The following PABPN1 variants were observed in gnomAD, a reference collection of about 807,000 sequenced individuals.
The protein encoded by PABPN1 is polyadenylate-binding protein 2.
PABPN1 carries 5 observed loss-of-function variants against 33.4 expected under a neutral mutation model. The observed-to-expected ratio is 0.15, with a 90% CI of 0.08 to 0.32. The LOEUF (loss-of-function observed/expected upper bound fraction) is 0.32, where lower values mean the gene tolerates loss of function less well. PABPN1 is among the 10% of genes least tolerant of loss of function. The probability of loss-of-function intolerance (pLI) is 1.00; values close to 1 mark genes in which losing one functional copy is unlikely to be tolerated. For missense variants in PABPN1, 312 were observed against 425.8 expected (o/e 0.73, Z 2.35); for synonymous variants, 176 against 170.6 (o/e 1.03, Z -0.25).
rs1392986014 is a variant in PABPN1, at chr14:23,322,186, G to A, written c.357G>A (p.Leu119=). The change falls in exon 2 of 7, where the codon CTG becomes CTA. Residue 119 remains leucine, a synonymous_variant. Transcript: ENST00000216727. Reference sequence around the variant, plus strand: ...ACCCTCCCCACTTATATTAGGAGCTGGAAGCTATCAAAGCTCGAGTCAGGG... The same window carrying A: ...ACCCTCCCCACTTATATTAGGAGCTAGAAGCTATCAAAGCTCGAGTCAGGG... ...PGDGAIEDPE[L]EAIKARVREM... The A allele has an allele frequency of 6.2e-7, 1 of 1,606,158 alleles. No individual in the cohort carries two copies. Among genetic ancestry groups the A allele is most frequent in the African/African-American group, 1.3e-5 (1 of 74,792 alleles).
At chr14:23,324,321 C>G (rs111796577) in intron 6 of PABPN1, 32 bp downstream of exon 6, 1 of 1,606,946 alleles carries the variant, frequency 6.2e-7, no homozygotes, top group African/African-American at 1.3e-5. Flanking sequence ...CTCTTTCCCC[C>G]GCCTCCCGTG....
At chr14:23,324,618 T>A in intron 6 of PABPN1, 1 of 507,846 alleles carries the variant, frequency 2.0e-6, no homozygotes, top group Non-Finnish European at 3.6e-6. Flanking sequence ...CTCCAGGCAG[T>A]GAAAGCACTG....
At position 23,323,263 on chromosome 14, in the gene PABPN1, A is replaced by G. The variant is rs1040966039; in HGVS notation, c.535-114A>G. The G allele has an allele frequency of 6.1e-6, 8 of 1,314,474 alleles. No homozygotes were observed. The African/African-American group carries it at 8.7e-5, about 14-fold the overall frequency. The allele number at this position is 1,314,474 out of a possible 1,614,324, so 81.4% of individuals were successfully genotyped here. On this transcript the variant is annotated intron_variant, in intron 3 of 6. Coordinates refer to ENST00000216727, the MANE Select transcript of PABPN1 (RefSeq NM_004643.4). ...GGAAGGAAAAGAGATTAATTCCTCAAATTACCAGATTTCATGTGCTTTGGT... is the reference window on the plus strand; with the variant it reads ...GGAAGGAAAAGAGATTAATTCCTCAGATTACCAGATTTCATGTGCTTTGGT...
chr14:23,323,449 A>G lies in PABPN1; in HGVS notation c.607A>G (p.Ile203Val), dbSNP rs1888482208. ...CTGTGGTTCAGTCAACCGTGTTACC[A>G]TACTGTGTGACAAATTTAGTGGCCA... The part of the protein sequence containing the change: ...HGCGSVNRVT[I>V]LCDKFSGHPK... Residue 203 changes from isoleucine (I) to valine (V), a missense_variant, in exon 4 of 7, where the codon ATA becomes GTA. Ile to Val is a conservative substitution (Grantham distance 29, BLOSUM62 3). Around this residue, in one of 3 missense-constraint regions of PABPN1, gnomAD observed 77 missense variants for 185.7 expected, o/e 0.41. Transcript: ENST00000216727. 2 of 1,614,182 alleles carry G rather than the reference A, an allele frequency of 1.2e-6. No individual in the cohort carries two copies. The highest frequency in any genetic ancestry group is 1.7e-6 in the Non-Finnish European group (2 of 1,180,002).
At chr14:23,325,012 C>G (rs1020656774) in intron 6 of PABPN1, 1 of 487,144 alleles carries the variant, frequency 2.1e-6, no homozygotes, top group East Asian at 3.1e-5. Context: ...GTCTCTCACT[C>G]AGATGCGCTT....
At chr14:23,322,912 G>T in intron 2 of PABPN1, 87 bp from the exon 3 acceptor site, 1 of 1,581,180 alleles carries the variant, frequency 6.3e-7, no homozygotes, top group Non-Finnish European at 8.7e-7. Context: ...TGAGCTTATG[G>T]GATAGTGCTG....
intron 6 of PABPN1, chr14:23,324,973 A>C: frequency 2.3e-6 from 1 of 436,250 alleles, no homozygotes; most frequent in South Asian, 3.9e-5. Context: ...TGAAAACTGG[A>C]TAAAAAGGGG....
chr14:23,322,982 T>A lies in PABPN1; in HGVS notation c.467-17T>A. The A allele has an allele frequency of 6.2e-7, 1 of 1,614,136 alleles. No homozygotes were observed. The highest frequency in any genetic ancestry group is 8.5e-7 in the Non-Finnish European group (1 of 1,180,006). On this transcript the variant is annotated splice_polypyrimidine_tract_variant and intron_variant, in intron 2 of 6. Coordinates refer to ENST00000216727, the MANE Select transcript of PABPN1 (RefSeq NM_004643.4). ...ACAAGTGTGTGGTTTTTGTAAAAAA[T>A]TATTTTTTCCTGATAGCTGGCCCGG... is the stretch of plus-strand genomic sequence containing the variant.
Position 23,325,692 on chromosome 14 carries a change from C to T in PABPN1, c.*406C>T. The T allele has an allele frequency of 5.7e-6, 1 of 176,956 alleles. No homozygotes were observed. The highest frequency in any genetic ancestry group is 1.2e-5 in the Non-Finnish European group (1 of 82,670). The allele number at this position is 176,956 out of a possible 1,614,324, so 11.0% of individuals were successfully genotyped here. ...CCAAACTGTTCTGCTTGTTACCTTC[C>T]CTCCGTCTTCTCCTCGCCTTTCACA... On this transcript the variant is annotated 3_prime_UTR_variant, in exon 7 of 7. Transcript: ENST00000216727.
intron 1 of PABPN1, 52 bp downstream of exon 1, chr14:23,321,872 T>A: frequency 9.0e-7 from 1 of 1,105,952 alleles, no homozygotes; most frequent in Non-Finnish European, 1.2e-6. Flanking sequence ...GCCGGGTCAC[T>A]GGAGGCCCAG....
chr14:23,325,051 G>A (rs949673211), intron 6 of PABPN1, 196 bp from the exon 7 acceptor site: 1 of 643,112 alleles, frequency 1.6e-6, no homozygotes, highest in Non-Finnish European at 2.5e-6. Context: ...GCAGTTTTCT[G>A]TTAAGCCCCC....
rs781142684 is a variant in PABPN1 at position 23,321,586 on chromosome 14, C to G, written c.117C>G (p.Ala39=). ...CCGGTGGGGAGGCCGGGGAGGGGGCCCCGGGGGGCGCAGGGGACTACGGGA... is the reference window on the plus strand; with the variant it reads ...CCGGTGGGGAGGCCGGGGAGGGGGCGCCGGGGGGCGCAGGGGACTACGGGA... ...PGAGGEAGEG[A]PGGAGDYGNG... Residue 39 remains alanine (A), a synonymous_variant, in exon 1 of 7, where the codon GCC becomes GCG. Coordinates refer to ENST00000216727, the MANE Select transcript of PABPN1 (RefSeq NM_004643.4). 1.4e-6 allele frequency: 2 copies of G among 1,451,608 alleles called. No individual in the cohort carries two copies. Among genetic ancestry groups the G allele is most frequent in the African/African-American group, 3.0e-5 (2 of 67,762 alleles). 89.9% of individuals were successfully genotyped at this position (1,451,608 alleles called of 1,614,324 possible).
At position 23,322,167 on chromosome 14, in the gene PABPN1, C is replaced by T. The variant is rs1258178000; in HGVS notation, c.352-14C>T. On this transcript the variant is annotated splice_polypyrimidine_tract_variant and intron_variant, in intron 1 of 6. Transcript: ENST00000216727. ...CTCTTAAGCTGTCCTCCATACCCTCCCCACTTATATTAGGAGCTGGAAGCT... is the reference window on the plus strand; with the variant it reads ...CTCTTAAGCTGTCCTCCATACCCTCTCCACTTATATTAGGAGCTGGAAGCT... The T allele has an allele frequency of 1.9e-6, 3 of 1,596,122 alleles. No homozygotes were observed. Among genetic ancestry groups the T allele is most frequent in the Non-Finnish European group, 2.6e-6 (3 of 1,171,160 alleles).
Position 23,322,315 on chromosome 14 carries a change from A to C in PABPN1, c.466+20A>C, listed in dbSNP as rs1555326893. 7.0e-6 allele frequency: 11 copies of C among 1,580,256 alleles called. No homozygotes were observed. The South Asian group carries it at 1.2e-4, about 17-fold the overall frequency. On this transcript the variant is annotated intron_variant, in intron 2 of 6. Coordinates refer to ENST00000216727, the MANE Select transcript of PABPN1 (RefSeq NM_004643.4). ...GCAATGGTGAGTAACTGGCGGTTGC[A>C]CGCGGAGCCCGGGTTCTCGGGTTGG...
chr14:23,321,809 A>G lies in PABPN1; in HGVS notation c.340A>G (p.Ile114Val). The change falls in exon 1 of 7, where the codon ATT (isoleucine) becomes GTT (valine). Residue 114 changes from isoleucine (I) to valine (V), a missense_variant. By Grantham distance (29) the Ile-to-Val change is conservative. Around this residue, in one of 3 missense-constraint regions of PABPN1, gnomAD observed 77 missense variants for 185.7 expected, o/e 0.41. Transcript: ENST00000216727. ...CGAGGGTGACCCGGGGGACGGCGCC[A>G]TTGAGGACCCGGTGAGGGAAGGAGG... The part of the protein sequence containing the change: ...LVEGDPGDGA[I>V]EDPELEAIKA... 6.7e-7 allele frequency: 1 copy of G among 1,486,738 alleles called. No homozygotes were observed. Among genetic ancestry groups the G allele is most frequent in the South Asian group, 1.3e-5 (1 of 74,886 alleles). The allele number at this position is 1,486,738 out of a possible 1,614,324, so 92.1% of individuals were successfully genotyped here. A position where few individuals can be genotyped will look rare whatever the true frequency, so the allele number is the denominator to read the frequency against.
In PABPN1 at chr14:23,325,258, G is replaced by A; in HGVS notation, c.893G>A (p.Arg298Lys). The A allele has an allele frequency of 6.2e-7, 1 of 1,610,920 alleles. No homozygotes were observed. The highest frequency in any genetic ancestry group is 1.1e-5 in the South Asian group (1 of 91,024). The part of the protein sequence containing the change: ...PRGRVYRGRA[R>K]ATSWYSPY The stretch of plus-strand genomic sequence containing the variant: ...CTTCTTTCTTCCAGGGGCCGGGCTA[G>A]AGCGACATCATGGTATTCCCCTTAC... Residue 298 changes from arginine to lysine, a missense_variant, in exon 7 of 7, where the codon AGA (arginine) becomes AAA (lysine). Physicochemically the swap from Arg to Lys is conservative, Grantham distance 26. Coordinates refer to ENST00000216727, the MANE Select transcript of PABPN1 (RefSeq NM_004643.4).
intron 3 of PABPN1, 82 bp downstream of exon 3, chr14:23,323,148 C>T (rs1243880303): frequency 2.5e-6 from 4 of 1,581,742 alleles, no homozygotes; most frequent in Non-Finnish European, 3.5e-6. Flanking sequence ...GGAACATCTC[C>T]GGGATAGATG....
At position 23,325,346 on chromosome 14, in the gene PABPN1, A is replaced by T; in HGVS notation, c.*60A>T. On this transcript the variant is annotated 3_prime_UTR_variant, in exon 7 of 7. Transcript: ENST00000216727. The stretch of plus-strand genomic sequence containing the variant: ...AAGAGGAAAGAAGGAAAAAAAAAAG[A>T]ATTAAAAAAAAAAAAAAGAAAAACA... 6.6e-7 allele frequency: 1 copy of T among 1,508,450 alleles called. No homozygotes were observed. Among genetic ancestry groups the T allele is most frequent in the Non-Finnish European group, 8.9e-7 (1 of 1,122,670 alleles). The allele number at this position is 1,508,450 out of a possible 1,614,324, so 93.4% of individuals were successfully genotyped here.
intron 1 of PABPN1, 39 bp downstream of exon 1, chr14:23,321,859 C>T (rs1210750646): frequency 8.6e-6 from 12 of 1,403,452 alleles, no homozygotes; most frequent in Non-Finnish European, 1.0e-5. Context: ...CGGCGGCTGG[C>T]CGGCCGGGTC....
Sources: gnomAD v4.1 joint callset for allele counts on GRCh38, gnomAD v4.1.1 for gene constraint, gnomAD v4.1.1 regional missense constraint, MANE v1.5 for transcripts, NCBI Gene and HGNC (gene_info 2026-07-23, HGNC 2026-07-21) for gene names.